Variants in FGF13 observed in about 807,000 individuals in gnomAD.
FGF13 encodes fibroblast growth factor 13.
A neutral mutation model predicts 19.5 loss-of-function variants in FGF13; 2 were observed. That is an observed-to-expected ratio of 0.10 (90% CI 0.04 to 0.32). The LOEUF is 0.32. Ranked by LOEUF, FGF13 falls within the 10% of genes least tolerant of loss-of-function variation. The pLI, the probability that FGF13 is intolerant of heterozygous loss-of-function variation, is 1.00. For synonymous variants in FGF13, 72 were observed against 76.9 expected, an observed-to-expected ratio of 0.94 and a Z score of 0.33; for missense variants, 113 against 192.7, an observed-to-expected ratio of 0.59 and a Z score of 2.45.
intron 1 of FGF13, among the ~76,000 whole-genome samples, chrX:139,008,018 G>A (rs1302650396): frequency 8.9e-6 from 1 of 112,635 alleles, no homozygotes; most frequent in African/African-American, 3.2e-5. Flanking sequence ...GATGAGGCCT[G>A]TGACTCCTGT....
At chrX:138,753,459 G>A (rs1569384047) in intron 3 of FGF13, among the ~76,000 whole-genome samples, 1 of 112,265 alleles carries the variant, frequency 8.9e-6, no homozygotes, top group African/African-American at 3.2e-5. Context: ...CAGACATCAG[G>A]ATAGATCTGA....
intron 3 of FGF13, among the ~76,000 whole-genome samples, chrX:138,769,655 C>A (rs996973504): frequency 8.9e-6 from 1 of 111,977 alleles, no homozygotes; most frequent in Non-Finnish European, 1.9e-5. Flanking sequence ...GACCATTAGG[C>A]CCACAGGGAA....
intron 3 of FGF13, chrX:138,806,521 C>G (rs2090869205): frequency 8.9e-6 from 1 of 112,881 alleles, no homozygotes; most frequent in Admixed American, 9.4e-5. Flanking sequence ...CCAGAAGAAT[C>G]TGAAGGGGAC....
chrX:139,078,964 A>G (rs778474880), intron 1 of FGF13, among the ~76,000 whole-genome samples: 1 of 112,746 alleles, frequency 8.9e-6, no homozygotes, highest in African/African-American at 3.2e-5. Context: ...CACTGCTACA[A>G]AATACATTTC....
At chrX:138,761,861 C>T (rs750740753) in intron 3 of FGF13, among the ~76,000 whole-genome samples, 9 of 110,935 alleles carry the variant, frequency 8.1e-5, no homozygotes, top group South Asian at 3.9e-4. Flanking sequence ...TCCTTTACTG[C>T]GTCGTTTTCC....
intron 1 of FGF13, among the ~76,000 whole-genome samples, chrX:138,956,280 A>G (rs2091841009): frequency 8.9e-6 from 1 of 112,202 alleles, no homozygotes; most frequent in African/African-American, 3.2e-5. Flanking sequence ...GAAACAGTTC[A>G]CAAAGACACG....
At chrX:139,140,649 G>A (rs747677848) in intron 1 of FGF13, among the ~76,000 whole-genome samples, 58 of 111,035 alleles carry the variant, frequency 5.2e-4, no homozygotes, top group African/African-American at 1.8e-3. Flanking sequence ...CTATTTCAAC[G>A]GAGCATCCAG....
chrX:139,097,064 T>C (rs2083475189), intron 1 of FGF13, among the ~76,000 whole-genome samples: 1 of 111,805 alleles, frequency 8.9e-6, no homozygotes, highest in Non-Finnish European at 1.9e-5. Flanking sequence ...TGATCATAAA[T>C]ATAAAAATAC....
At chrX:138,847,813 G>A (rs1569410411) in intron 3 of FGF13, among the ~76,000 whole-genome samples, 3 of 111,670 alleles carry the variant, frequency 2.7e-5, no homozygotes, top group Non-Finnish European at 5.7e-5. Flanking sequence ...TGCAGTAGCC[G>A]ATTACATTTA....
intron 1 of FGF13, among the ~76,000 whole-genome samples, chrX:139,064,776 G>T (rs181820429): frequency 3.5e-4 from 39 of 111,490 alleles, no homozygotes; most frequent in African/African-American, 1.3e-3. Context: ...TTCCAACTTG[G>T]TTCCATTCTC....
rs762029974 is a variant in FGF13 at position 138,624,088 on chromosome X, C to A, written c.*8762G>T. On this transcript the variant is annotated 3_prime_UTR_variant, in exon 5 of 5. Coordinates refer to ENST00000315930, the MANE Select transcript of FGF13 (RefSeq NM_004114.5). ...TTTTTACAGAAATAGAAAAAAAATTCTTAAAACCTTATGGAACCACCTAAG... is the reference window on the plus strand; with the variant it reads ...TTTTTACAGAAATAGAAAAAAAATTATTAAAACCTTATGGAACCACCTAAG... The A allele has an allele frequency of 4.5e-5, 5 of 111,919 alleles. No individual in the cohort carries two copies. Among genetic ancestry groups the A allele is most frequent in the East Asian group, 5.6e-4 (2 of 3,562 alleles). 9.2% of individuals were successfully genotyped at this position (111,919 alleles called of 1,213,427 possible).
chrX:139,008,505 A>AAGAC (rs1275614040), intron 1 of FGF13, among the ~76,000 whole-genome samples: 7 of 112,296 alleles, frequency 6.2e-5, no homozygotes, highest in Non-Finnish European at 1.3e-4. Flanking sequence ...GCAAGACCTG[A>AAGAC]AGACAGATCA....
chrX:138,984,499 AGGAGAAGAAGAG>A lies in FGF13; in HGVS notation c.-112-119861_-112-119850del, dbSNP rs1194281579. Among the ~76,000 whole-genome samples, 2 of 68,766 alleles carry A rather than the reference AGGAGAAGAAGAG, an allele frequency of 2.9e-5. 1 individual carries two copies. Among genetic ancestry groups the A allele is most frequent in the Non-Finnish European group, 5.5e-5 (2 of 36,505 alleles). The allele number at this position is 68,766 out of a possible 115,157, so 59.7% of individuals were successfully genotyped here. A position where few individuals can be genotyped will look rare whatever the true frequency, so the allele number is the denominator to read the frequency against. ...GAGAAGGAGAAGAAGGAGAAGGAGA[AGGAGAAGAAGAG>A]GAAGAAGAAGAGGAAGAAGAAGAAG... On this transcript the variant is annotated intron_variant, in intron 1 of 2. Coordinates refer to the FGF13 transcript ENST00000421460.
At chrX:138,973,677 G>A (rs1362150823) in intron 1 of FGF13, among the ~76,000 whole-genome samples, 3 of 111,588 alleles carry the variant, frequency 2.7e-5, no homozygotes, top group Non-Finnish European at 5.6e-5. Flanking sequence ...ATGCTCTGAT[G>A]TTGGGTGCAT....
chrX:138,702,030 C>A (rs948600696), intron 3 of FGF13, among the ~76,000 whole-genome samples: 3 of 111,683 alleles, frequency 2.7e-5, no homozygotes, highest in Non-Finnish European at 5.6e-5. Context: ...CGCCTGTAAT[C>A]CCAGCAACTT....
At chrX:139,155,003 T>A (rs761983256) in intron 1 of FGF13, among the ~76,000 whole-genome samples, 2 of 111,684 alleles carry the variant, frequency 1.8e-5, no homozygotes, top group South Asian at 3.8e-4. Context: ...AGTTAAGCAA[T>A]TTGTCTAGCA....
intron 3 of FGF13, among the ~76,000 whole-genome samples, chrX:138,698,320 C>G (rs931410836): frequency 2.7e-5 from 3 of 109,954 alleles, no homozygotes; most frequent in Non-Finnish European, 5.7e-5. Flanking sequence ...TTCAACCCCC[C>G]CAAAATTGAG....
Position 138,624,272 on chromosome X carries a change from AC to A in FGF13, c.*8577del, listed in dbSNP as rs2124073874. 8.9e-6 allele frequency: 1 copy of A among 111,920 alleles called. No homozygotes were observed. The highest frequency in any genetic ancestry group is 3.7e-4 in the South Asian group (1 of 2,686). 9.2% of individuals were successfully genotyped at this position (111,920 alleles called of 1,213,427 possible). A position where few individuals can be genotyped will look rare whatever the true frequency, so the allele number is the denominator to read the frequency against. On this transcript the variant is annotated 3_prime_UTR_variant, in exon 5 of 5. Coordinates refer to ENST00000315930, the MANE Select transcript of FGF13 (RefSeq NM_004114.5). Reference sequence around the variant, plus strand: ...ATAGAAAGCCAAGAAACAAATCCACACATATATGATCAACAAATCTTCAACA... The same window carrying A: ...ATAGAAAGCCAAGAAACAAATCCACAATATATGATCAACAAATCTTCAACA...
At chrX:139,061,883 A>G (rs1227867024) in intron 1 of FGF13, among the ~76,000 whole-genome samples, 1 of 111,249 alleles carries the variant, frequency 9.0e-6, no homozygotes, top group East Asian at 2.8e-4. Flanking sequence ...AGAAATGACT[A>G]TTCAAGTCCC....
Sources: gnomAD v4.1 joint callset for allele counts (sites outside exome capture counted in the v4.1 genomes callset) on GRCh38, gnomAD v4.1.1 for gene constraint, MANE v1.5 for transcripts, NCBI Gene and HGNC (gene_info 2026-07-23, HGNC 2026-07-21) for gene names.